Variants in VPS35L observed in about 807,000 individuals in gnomAD.
VPS35L encodes VPS35 endosomal protein-sorting factor-like.
Under a neutral mutation model 133.0 loss-of-function variants are expected in VPS35L, and 83 were observed. The observed-to-expected ratio is 0.62, with a 90% CI of 0.52 to 0.75. The LOEUF is 0.75. Among genes scored for constraint, VPS35L ranks in the 30% least tolerant of loss-of-function variants. The pLI is 0.00. For missense variants in VPS35L, 1,083 were observed against 1,206.8 expected, an observed-to-expected ratio of 0.90 and a Z score of 1.52; for synonymous variants, 423 against 449.9, an observed-to-expected ratio of 0.94 and a Z score of 0.76.
chr16:19,584,109 A>G (rs1971790616), intron 7 of VPS35L, among the ~76,000 whole-genome samples: 1 of 152,152 alleles, frequency 6.6e-6, no homozygotes, highest in South Asian at 2.1e-4. Context: ...ATCCATTTAT[A>G]TACATTTAGA....
Position 19,600,838 on chromosome 16 carries a change from G to A in VPS35L, c.725-826G>A, listed in dbSNP as rs955587377. Among the ~76,000 whole-genome samples, 4 of 152,198 alleles carry A rather than the reference G, an allele frequency of 2.6e-5. No individual in the cohort carries two copies. The East Asian group carries it at 7.7e-4, about 29-fold the overall frequency. Reference sequence around the variant, plus strand: ...GCAGCTACTAATTTGCTCTAGCTGTGTTATCCTATAGAGATATCGCCACAT... The same window carrying A: ...GCAGCTACTAATTTGCTCTAGCTGTATTATCCTATAGAGATATCGCCACAT... On this transcript the variant is annotated intron_variant, in intron 8 of 30. Coordinates refer to ENST00000417362, the MANE Select transcript of VPS35L (RefSeq NM_020314.7).
chr16:19,564,086 A>G (rs1336729984), intron 1 of VPS35L, among the ~76,000 whole-genome samples: 3 of 151,824 alleles, frequency 2.0e-5, no homozygotes, highest in African/African-American at 7.3e-5. Context: ...TCAAATATAT[A>G]TATATTTTTT....
At chr16:19,627,542 C>T in intron 15 of VPS35L, 152 bp from the exon 16 acceptor site, 1 of 635,672 alleles carries the variant, frequency 1.6e-6, no homozygotes, top group Non-Finnish European at 2.8e-6. Flanking sequence ...GTGTTAGTCT[C>T]TCCAGTTTAC....
rs1974001565 is a variant in VPS35L, at chr16:19,647,856, G to A, written c.2002G>A (p.Glu668Lys). The change falls in exon 24 of 31, where the codon GAG (glutamate) becomes AAG (lysine). Residue 668 changes from glutamate to lysine, a missense_variant. Transcript: ENST00000417362. ...VESRSMFCNL[E>K]PVLVQLIHSV... Reference sequence around the variant, plus strand: ...GTCCAGGTCGATGTTTTGCAATCTGGAGCCTGTTCTTGTGCAGTTGATTCA... The same window carrying A: ...GTCCAGGTCGATGTTTTGCAATCTGAAGCCTGTTCTTGTGCAGTTGATTCA... The A allele has an allele frequency of 6.2e-7, 1 of 1,613,948 alleles. No homozygotes were observed. The highest frequency in any genetic ancestry group is 2.2e-5 in the East Asian group (1 of 44,872).
Position 19,572,871 on chromosome 16 carries a change from T to C in VPS35L, c.286-248T>C, listed in dbSNP as rs1411251189. Among the ~76,000 whole-genome samples, 3 of 151,986 alleles carry C rather than the reference T, an allele frequency of 2.0e-5. No homozygotes were observed. In the East Asian group the frequency reaches 5.8e-4, roughly 29 times the overall value. On this transcript the variant is annotated intron_variant, in intron 3 of 30. Coordinates refer to ENST00000417362, the MANE Select transcript of VPS35L (RefSeq NM_020314.7). The stretch of plus-strand genomic sequence containing the variant: ...TGTATTTTTAGTAGAGATGGGGTTT[T>C]ACCATGTTGGCTAGGCTGGTGTTAA...
intron 28 of VPS35L, among the ~76,000 whole-genome samples, chr16:19,684,214 T>A (rs1975380762): frequency 6.6e-6 from 1 of 152,152 alleles, no homozygotes; most frequent in African/African-American, 2.4e-5. Flanking sequence ...TGTCCTGGAC[T>A]TACCACAGGA....
chr16:19,643,529 C>T (rs1411597541), intron 22 of VPS35L, among the ~76,000 whole-genome samples: 3 of 152,132 alleles, frequency 2.0e-5, no homozygotes, highest in African/African-American at 4.8e-5. Flanking sequence ...AGCCTGTGGG[C>T]ATTGGGGAAC....
In VPS35L at chr16:19,633,808, G is replaced by C. The variant is rs946214544; in HGVS notation, c.1635+636G>C. ...GCTGGAGTGCAGTGGTGCGATCTTGGCTCATTGCAACCTCCACCTTCAATT... is the reference window on the plus strand; with the variant it reads ...GCTGGAGTGCAGTGGTGCGATCTTGCCTCATTGCAACCTCCACCTTCAATT... On this transcript the variant is annotated intron_variant, in intron 19 of 30. Coordinates refer to ENST00000417362, the MANE Select transcript of VPS35L (RefSeq NM_020314.7). This position sits in a 1 kb window ranked among gnomAD's most constrained non-coding sequence, Gnocchi z 4.1. Among the ~76,000 whole-genome samples, 2 of 152,086 alleles carry C rather than the reference G, an allele frequency of 1.3e-5. No individual in the cohort carries two copies. The highest frequency in any genetic ancestry group is 4.8e-5 in the African/African-American group (2 of 41,414).
intron 26 of VPS35L, among the ~76,000 whole-genome samples, chr16:19,653,544 G>C (rs966382937): frequency 3.9e-5 from 6 of 152,208 alleles, no homozygotes; most frequent in Admixed American, 1.3e-4. Flanking sequence ...CTCAGCCCCT[G>C]ATCTGTCTGG....
chr16:19,669,390 A>G (rs1974802579), intron 27 of VPS35L, 91 bp downstream of exon 27: 4 of 1,399,574 alleles, frequency 2.9e-6, no homozygotes, highest in South Asian at 3.0e-5. Context: ...CTGCAGGAAC[A>G]TTCTATCTAG....
intron 1 of VPS35L, among the ~76,000 whole-genome samples, chr16:19,562,160 T>TC (rs966798060): frequency 1.3e-5 from 2 of 152,096 alleles, no homozygotes; most frequent in South Asian, 2.1e-4. Context: ...CAGGCTTTAT[T>TC]CCGGGGGGCT....
intron 2 of VPS35L, among the ~76,000 whole-genome samples, chr16:19,568,756 C>A (rs1971269370): frequency 6.6e-6 from 1 of 152,140 alleles, no homozygotes; most frequent in Non-Finnish European, 1.5e-5. Context: ...AGCCATCCTC[C>A]CACTTCAGCC....
chr16:19,693,708 C>T (rs1465455394), intron 29 of VPS35L, among the ~76,000 whole-genome samples: 2 of 152,074 alleles, frequency 1.3e-5, no homozygotes, highest in East Asian at 1.9e-4. Context: ...CGCTTAAACC[C>T]GGGAGGCGGA....
At chr16:19,623,030 A>C (rs1019982682) in intron 14 of VPS35L, among the ~76,000 whole-genome samples, 1 of 152,196 alleles carries the variant, frequency 6.6e-6, no homozygotes, top group Admixed American at 6.5e-5. Context: ...CAGAGCCGAC[A>C]GCATCCAGGG....
chr16:19,669,938 T>G (rs746716673), intron 27 of VPS35L, among the ~76,000 whole-genome samples: 1 of 152,186 alleles, frequency 6.6e-6, no homozygotes, highest in African/African-American at 2.4e-5. Flanking sequence ...CCCAGAGTGC[T>G]GGGATTACAG....
intron 14 of VPS35L, among the ~76,000 whole-genome samples, chr16:19,625,827 T>C (rs1332136766): frequency 1.3e-5 from 2 of 152,074 alleles, no homozygotes; most frequent in Admixed American, 6.6e-5. Context: ...GCACCCGCTA[T>C]CACACCTGGC....
At chr16:19,625,273 A>G (rs1477863572) in intron 14 of VPS35L, among the ~76,000 whole-genome samples, 6 of 152,158 alleles carry the variant, frequency 3.9e-5, no homozygotes, top group African/African-American at 2.4e-5. Context: ...AAATGGGAGA[A>G]TAGAGCCCCT....
At chr16:19,656,803 A>G (rs1226502521) in intron 26 of VPS35L, among the ~76,000 whole-genome samples, 1 of 152,010 alleles carries the variant, frequency 6.6e-6, no homozygotes, top group Non-Finnish European at 1.5e-5. Flanking sequence ...TATAGTTAGA[A>G]AGCCAGATTA....
At position 19,683,351 on chromosome 16, in the gene VPS35L, C is replaced by T. The variant is rs549203544; in HGVS notation, c.2527+961C>T. ...TTCTATTTTAGATTTAGGAGGTATA[C>T]GTGCAGGTTTGTGACAGGGGTATAT... On this transcript the variant is annotated intron_variant, in intron 28 of 30. Transcript: ENST00000417362. Among the ~76,000 whole-genome samples, 25 of 152,282 alleles carry T rather than the reference C, an allele frequency of 1.6e-4. No homozygotes were observed. In the South Asian group the frequency reaches 3.3e-3, roughly 20 times the overall value.
Sources: gnomAD v4.1 joint callset for allele counts (sites outside exome capture counted in the v4.1 genomes callset) on GRCh38, gnomAD v4.1.1 for gene constraint, Gnocchi (gnomAD v3.1) non-coding constraint, MANE v1.5 for transcripts, NCBI Gene and HGNC (gene_info 2026-07-23, HGNC 2026-07-21) for gene names.